STXBP4: variants seen among roughly 807,000 people sequenced by gnomAD.
The protein encoded by STXBP4 is syntaxin-binding protein 4.
STXBP4 carries 55 observed loss-of-function variants against 76.1 expected under a neutral mutation model. The observed-to-expected ratio is 0.72, with a 90% CI of 0.58 to 0.91. The LOEUF is 0.91. Among genes scored for constraint, STXBP4 ranks in the 40% least tolerant of loss-of-function variants. The pLI is 0.00. For missense variants in STXBP4, 618 were observed against 636.9 expected (o/e 0.97, Z 0.32); for synonymous variants, 201 against 220.2 (o/e 0.91, Z 0.77).
At chr17:55,159,460 T>G (rs2080316823) in intron 17 of STXBP4, among the ~76,000 whole-genome samples, 1 of 152,126 alleles carries the variant, frequency 6.6e-6, no homozygotes, top group African/African-American at 2.4e-5. Flanking sequence ...CCAGACTATT[T>G]CATTGAAAAA....
At chr17:55,076,260 C>T (rs191092094) in intron 13 of STXBP4, among the ~76,000 whole-genome samples, 1 of 152,160 alleles carries the variant, frequency 6.6e-6, no homozygotes, top group East Asian at 1.9e-4. Flanking sequence ...TTTGTGTGGT[C>T]AGCATTTGCT....
intron 16 of STXBP4, among the ~76,000 whole-genome samples, chr17:55,097,338 T>C (rs760671662): frequency 2.6e-5 from 4 of 152,218 alleles, no homozygotes; most frequent in Non-Finnish European, 4.4e-5. Flanking sequence ...CTAAGCATTA[T>C]AGGATAAAAA....
intron 16 of STXBP4, among the ~76,000 whole-genome samples, chr17:55,136,504 A>G (rs1222796545): frequency 2.0e-5 from 3 of 151,932 alleles, no homozygotes; most frequent in Non-Finnish European, 2.9e-5. Context: ...GCATTTTACA[A>G]TTGTCTTTGT....
chr17:55,091,486 A>T (rs1047969621), intron 16 of STXBP4, among the ~76,000 whole-genome samples: 1 of 152,190 alleles, frequency 6.6e-6, no homozygotes, highest in African/African-American at 2.4e-5. Flanking sequence ...TTTTGAGTGC[A>T]GATATGGCCC....
At position 55,017,532 on chromosome 17, in the gene STXBP4, A is replaced by G. The variant is rs2078229959; in HGVS notation, c.666+9935A>G. 3.3e-5 allele frequency among the ~76,000 whole-genome samples: 5 copies of G among 152,212 alleles called. No individual in the cohort carries two copies. The South Asian group carries it at 1.0e-3, about 32-fold the overall frequency. ...TACCTAGGAGGCAGGGATCAGAGGA[A>G]GTAGATTCAGAGGTAAGAAGAATTT... is the stretch of plus-strand genomic sequence containing the variant. On this transcript the variant is annotated intron_variant, in intron 8 of 17. Transcript: ENST00000376352.
chr17:55,175,365 A>G (rs1330004693), downstream of STXBP4, among the ~76,000 whole-genome samples: 1 of 152,204 alleles, frequency 6.6e-6, no homozygotes, highest in Non-Finnish European at 1.5e-5. Context: ...CCTTCTGGAA[A>G]TTTTTGTCTA....
the STXBP4 span, among the ~76,000 whole-genome samples, chr17:55,185,245 TCTTCTCCTTCTCCTTCTC>T: frequency 1.4e-4 from 8 of 57,978 alleles, no homozygotes; most frequent in East Asian, 1.0e-3. Flanking sequence ...TTCTTCTTCT[TCTTCTCCTTCTCCTTCTC>T]CTTCTCCTTC....
At chr17:55,142,379 A>G (rs1598346674) in intron 17 of STXBP4, among the ~76,000 whole-genome samples, 2 of 152,278 alleles carry the variant, frequency 1.3e-5, no homozygotes, top group South Asian at 4.1e-4. Context: ...GAAAAGGGAG[A>G]CATGTCCTTG....
intron 8 of STXBP4, among the ~76,000 whole-genome samples, chr17:55,029,516 T>C (rs1159448519): frequency 2.0e-5 from 3 of 151,790 alleles, no homozygotes; most frequent in Admixed American, 1.3e-4. Flanking sequence ...TGTGTTTATA[T>C]TTGAAACATT....
intron 12 of STXBP4, among the ~76,000 whole-genome samples, chr17:55,049,096 AACATTTTCAGGAC>A (rs2078826986): frequency 6.6e-6 from 1 of 152,020 alleles, no homozygotes; most frequent in African/African-American, 2.4e-5. Context: ...ATAGTGGAAC[AACATTTTCAGGAC>A]ATGAAAGGAA....
intron 12 of STXBP4, among the ~76,000 whole-genome samples, chr17:55,052,952 G>GTGTGTGTGT (rs1567739310): frequency 7.9e-6 from 1 of 126,998 alleles, no homozygotes; most frequent in African/African-American, 3.1e-5. Context: ...TGTGTGTGTG[G>GTGTGTGTGT]GTTGTATTCT....
chr17:55,130,232 G>A lies in STXBP4; in HGVS notation c.1490-11078G>A, dbSNP rs548035104. Among the ~76,000 whole-genome samples, 4 of 152,306 alleles carry A rather than the reference G, an allele frequency of 2.6e-5. No homozygotes were observed. The East Asian group carries it at 7.7e-4, about 29-fold the overall frequency. On this transcript the variant is annotated intron_variant, in intron 16 of 17. Transcript: ENST00000376352. ...CAGCTGACACCTTGATTTCCGTCAT[G>A]CCATGCCAGACTTTCAACCTACAGA... is the stretch of plus-strand genomic sequence containing the variant.
chr17:55,077,598 T>G (rs531016894), intron 13 of STXBP4, among the ~76,000 whole-genome samples: 2 of 151,992 alleles, frequency 1.3e-5, no homozygotes, highest in Non-Finnish European at 2.9e-5. Context: ...AATGCTTCAG[T>G]GCTCTCTTAC....
In STXBP4 at chr17:55,022,687, G is replaced by A. The variant is rs192201740; in HGVS notation, c.667-8481G>A. Among the ~76,000 whole-genome samples the A allele has an allele frequency of 7.2e-5, 11 of 152,184 alleles. No homozygotes were observed. In the East Asian group the frequency reaches 1.5e-3, roughly 21 times the overall value. On this transcript the variant is annotated intron_variant, in intron 8 of 17. Coordinates refer to ENST00000376352, the MANE Select transcript of STXBP4 (RefSeq NM_178509.6). The stretch of plus-strand genomic sequence containing the variant: ...TGAAATTTAAACTGAGACATGAAGC[G>A]TGAGAATTATGGTGCTAGGGAAAAA...
intron 17 of STXBP4, among the ~76,000 whole-genome samples, chr17:55,147,705 A>G (rs1330763927): frequency 6.6e-6 from 1 of 152,228 alleles, no homozygotes; most frequent in African/African-American, 2.4e-5. Flanking sequence ...AGTAGAACCT[A>G]GAAAGTCTAT....
intron 16 of STXBP4, among the ~76,000 whole-genome samples, chr17:55,098,984 G>A (rs532654010): frequency 6.6e-6 from 1 of 152,168 alleles, no homozygotes; most frequent in East Asian, 1.9e-4. Context: ...TGTTTAGTAA[G>A]CACATTTAAT....
chr17:55,135,544 A>G (rs2080019941), intron 16 of STXBP4, among the ~76,000 whole-genome samples: 2 of 152,132 alleles, frequency 1.3e-5, no homozygotes, highest in Middle Eastern at 3.2e-3. Flanking sequence ...AATTATTTTA[A>G]TAGTTGAAAT....
chr17:55,116,087 G>C (rs1349368804), intron 16 of STXBP4, among the ~76,000 whole-genome samples: 1 of 151,722 alleles, frequency 6.6e-6, no homozygotes, highest in African/African-American at 2.4e-5. Context: ...TGAAATATCT[G>C]AGCTACTTAT....
chr17:55,053,720 C>A lies in STXBP4; in HGVS notation c.1011+6566C>A, dbSNP rs1209648637. Reference sequence around the variant, plus strand: ...CTTTAATTGATATGACTTTTTAGTGCTTTTCATTCTGTATCTTTTATACCT... The same window carrying A: ...CTTTAATTGATATGACTTTTTAGTGATTTTCATTCTGTATCTTTTATACCT... On this transcript the variant is annotated intron_variant, in intron 12 of 17. Coordinates refer to ENST00000376352, the MANE Select transcript of STXBP4 (RefSeq NM_178509.6). Among the ~76,000 whole-genome samples the A allele has an allele frequency of 5.9e-5, 9 of 152,072 alleles. No individual in the cohort carries two copies. In the East Asian group the frequency reaches 1.7e-3, roughly 29 times the overall value.
Sources: allele counts gnomAD v4.1 joint callset (sites outside exome capture counted in the v4.1 genomes callset), GRCh38; gene constraint gnomAD v4.1.1; transcripts MANE v1.5; gene names NCBI Gene and HGNC (gene_info 2026-07-23, HGNC 2026-07-21).